KALRN: variants seen among roughly 807,000 people sequenced by gnomAD.
KALRN encodes kalirin RhoGEF kinase.
In KALRN, 70 loss-of-function variants were observed where a neutral mutation model predicts 353.7. That is an observed-to-expected ratio of 0.20 (90% CI 0.16 to 0.24). The LOEUF (loss-of-function observed/expected upper bound fraction) is 0.24, where lower values mean the gene tolerates loss of function less well. Ranked by LOEUF, KALRN falls within the 10% of genes least tolerant of loss-of-function variation. The pLI is 1.00. For synonymous variants in KALRN, 1,391 were observed against 1,434.8 expected (o/e 0.97, Z 0.69); for missense variants, 2,791 against 3,756.7 (o/e 0.74, Z 6.72).
At chr3:124,475,645 A>G (rs533266379) in intron 26 of KALRN, among the ~76,000 whole-genome samples, 152 of 152,348 alleles carry the variant, frequency 1.0e-3, no homozygotes, top group African/African-American at 3.5e-3. Flanking sequence ...GTGATAGACA[A>G]CACTATGTTT....
At chr3:124,485,245 A>G (rs1346215928) in intron 28 of KALRN, among the ~76,000 whole-genome samples, 3 of 152,264 alleles carry the variant, frequency 2.0e-5, no homozygotes, top group Non-Finnish European at 4.4e-5. Context: ...AAGGAAAAAC[A>G]AAAGGAAAGA....
chr3:124,645,626 TTCTCTCTCTC>T (rs71145472), intron 37 of KALRN, among the ~76,000 whole-genome samples: 86 of 133,532 alleles, frequency 6.4e-4, no homozygotes, highest in East Asian at 1.2e-3. Flanking sequence ...TGAATAATAT[TTCTCTCTCTC>T]TCTCTCTCTC....
At position 124,334,151 on chromosome 3, in the gene KALRN, G is replaced by A; in HGVS notation, c.1417-114G>A. The A allele has an allele frequency of 1.1e-6, 1 of 874,592 alleles. No homozygotes were observed. 54.2% of individuals were successfully genotyped at this position (874,592 alleles called of 1,614,324 possible). On this transcript the variant is annotated intron_variant, in intron 8 of 59. Transcript: ENST00000682506. The surrounding 1 kb of genome is among the most constrained non-coding windows in gnomAD (Gnocchi z 4.2). Reference sequence around the variant, plus strand: ...CTGGCTAGGTGTCTGGGTATGGAATGCCTGAGATTCTCAGAAGGCCTAGTC... The same window carrying A: ...CTGGCTAGGTGTCTGGGTATGGAATACCTGAGATTCTCAGAAGGCCTAGTC...
In KALRN at chr3:124,725,658, T is replaced by C. The variant is rs567495772; in HGVS notation, c.*6188T>C. The C allele has an allele frequency of 3.3e-5, 5 of 152,368 alleles. No homozygotes were observed. The East Asian group carries it at 9.6e-4, about 29-fold the overall frequency. The allele number at this position is 152,368 out of a possible 1,614,324, so 9.4% of individuals were successfully genotyped here. ...CTCATTCTGGAATTAATTTGCTGTC[T>C]TTTGACATCCACAAAGCCAAACTAA... On this transcript the variant is annotated 3_prime_UTR_variant, in exon 60 of 60. Transcript: ENST00000682506.
At chr3:124,546,627 C>T (rs1252800785) in intron 33 of KALRN, among the ~76,000 whole-genome samples, 1 of 152,036 alleles carries the variant, frequency 6.6e-6, no homozygotes, top group Non-Finnish European at 1.5e-5. Flanking sequence ...CCATGGAAAC[C>T]TTGTACCCTC....
intron 5 of KALRN, among the ~76,000 whole-genome samples, chr3:124,287,604 T>C (rs1415709708): frequency 6.6e-6 from 1 of 151,290 alleles, no homozygotes; most frequent in East Asian, 2.0e-4. Flanking sequence ...TATTGACCAA[T>C]GCCTTTCAAA....
intron 34 of KALRN, among the ~76,000 whole-genome samples, chr3:124,592,711 G>T (rs1222305931): frequency 2.6e-5 from 4 of 152,132 alleles, no homozygotes; most frequent in Non-Finnish European, 2.9e-5. Context: ...TCCCTTGTAG[G>T]TGAGGCCCAC....
intron 14 of KALRN, among the ~76,000 whole-genome samples, chr3:124,421,472 T>A (rs971333964): frequency 6.6e-6 from 1 of 152,190 alleles, no homozygotes; most frequent in African/African-American, 2.4e-5. Flanking sequence ...TTTACATGCA[T>A]CATCTCATTT....
intron 1 of KALRN, among the ~76,000 whole-genome samples, chr3:124,143,853 G>A (rs1450016801): frequency 6.6e-6 from 1 of 152,014 alleles, no homozygotes; most frequent in African/African-American, 2.4e-5. Context: ...TGAAAGTGGG[G>A]CATATATCCT....
At chr3:124,702,445 C>G (rs2062386553) in intron 57 of KALRN, among the ~76,000 whole-genome samples, 1 of 152,070 alleles carries the variant, frequency 6.6e-6, no homozygotes, top group Admixed American at 6.5e-5. Flanking sequence ...TTGTCTTCAA[C>G]TGTGAATTTT....
chr3:124,533,522 G>A (rs558489002), intron 33 of KALRN, among the ~76,000 whole-genome samples: 1 of 152,260 alleles, frequency 6.6e-6, no homozygotes, highest in Admixed American at 6.5e-5. Context: ...GAGCACACCT[G>A]TGGTTCAAGC....
intron 34 of KALRN, among the ~76,000 whole-genome samples, chr3:124,570,574 A>T (rs759670246): frequency 2.6e-5 from 4 of 152,224 alleles, no homozygotes; most frequent in Non-Finnish European, 5.9e-5. Context: ...TAAAAATTAT[A>T]ATACTGTTGG....
At chr3:124,638,179 C>T (rs367617859) in intron 37 of KALRN, among the ~76,000 whole-genome samples, 4 of 152,230 alleles carry the variant, frequency 2.6e-5, no homozygotes, top group East Asian at 3.9e-4. Context: ...TCACTTGGCC[C>T]AGGAGCTAGA....
At chr3:124,331,624 A>T (rs1425314128) in intron 8 of KALRN, among the ~76,000 whole-genome samples, 1 of 128,442 alleles carries the variant, frequency 7.8e-6, no homozygotes, top group Non-Finnish European at 1.6e-5. Flanking sequence ...CATATGGCTC[A>T]AAGCTTTCTG....
At chr3:124,593,136 G>A (rs1172863076) in intron 34 of KALRN, among the ~76,000 whole-genome samples, 2 of 152,132 alleles carry the variant, frequency 1.3e-5, no homozygotes, top group East Asian at 1.9e-4. Flanking sequence ...CTCTCTCCAT[G>A]AGAATCTTCA....
intron 1 of KALRN, among the ~76,000 whole-genome samples, chr3:124,146,729 T>A (rs2067382041): frequency 1.3e-5 from 2 of 151,702 alleles, no homozygotes; most frequent in Non-Finnish European, 2.9e-5. Context: ...AATACAAAAA[T>A]TAGCCAGTAT....
intron 34 of KALRN, among the ~76,000 whole-genome samples, chr3:124,584,160 A>G (rs572740058): frequency 8.6e-4 from 131 of 152,302 alleles, no homozygotes; most frequent in Non-Finnish European, 1.6e-3. Flanking sequence ...GGTTGGTTGT[A>G]TGATTCCAAA....
At chr3:124,283,110 T>C (rs1182915531) in intron 5 of KALRN, among the ~76,000 whole-genome samples, 1 of 152,224 alleles carries the variant, frequency 6.6e-6, no homozygotes, top group Non-Finnish European at 1.5e-5. Flanking sequence ...CATGTGGAGC[T>C]TTGTTCCCAG....
chr3:124,103,694 A>G (rs141566166), intron 1 of KALRN, among the ~76,000 whole-genome samples: 8 of 152,234 alleles, frequency 5.3e-5, no homozygotes, highest in East Asian at 3.9e-4. Flanking sequence ...AGTGACTCAT[A>G]CCTGTAATCC....
Sources: allele counts gnomAD v4.1 joint callset (sites outside exome capture counted in the v4.1 genomes callset), GRCh38; gene constraint gnomAD v4.1.1; non-coding constraint Gnocchi (gnomAD v3.1); transcripts MANE v1.5; gene names NCBI Gene and HGNC (gene_info 2026-07-23, HGNC 2026-07-21).